Variants in GRID2 observed in about 807,000 individuals in gnomAD.
GRID2 encodes the protein glutamate ionotropic receptor delta type subunit 2, also known as glutamate receptor ionotropic, delta-2.
Under a neutral mutation model 114.8 loss-of-function variants are expected in GRID2, and 33 were observed. The ratio of observed to expected loss-of-function variants is 0.29; its 90% confidence interval spans 0.22 to 0.38. The LOEUF (loss-of-function observed/expected upper bound fraction) is 0.38. Among genes scored for constraint, GRID2 ranks in the 10% least tolerant of loss-of-function variants. The pLI is 1.00. For synonymous variants in GRID2, 505 were observed against 449.9 expected (o/e 1.12, Z -1.55); for missense variants, 1,184 against 1,257.7 (o/e 0.94, Z 0.89).
intron 14 of GRID2, among the ~76,000 whole-genome samples, chr4:93,679,427 C>T (rs1372789972): frequency 2.0e-5 from 3 of 150,972 alleles, no homozygotes; most frequent in South Asian, 2.1e-4. Flanking sequence ...ACCAAGCAGA[C>T]CTAATAGACA....
chr4:92,858,056 A>C (rs186173794), intron 2 of GRID2, among the ~76,000 whole-genome samples: 23 of 152,328 alleles, frequency 1.5e-4, no homozygotes, highest in African/African-American at 5.5e-4. Context: ...TTTTGGAGAC[A>C]TAGTGTTCAG....
At chr4:92,382,604 AGTT>A (rs1455126365) in intron 1 of GRID2, among the ~76,000 whole-genome samples, 2 of 152,108 alleles carry the variant, frequency 1.3e-5, no homozygotes, top group Non-Finnish European at 2.9e-5. Flanking sequence ...TAAGAAATAA[AGTT>A]AATAGAATGA....
intron 2 of GRID2, among the ~76,000 whole-genome samples, chr4:92,963,241 T>C (rs1752936514): frequency 6.6e-6 from 1 of 151,982 alleles, no homozygotes; most frequent in Non-Finnish European, 1.5e-5. Context: ...ACAATGCAGT[T>C]TGCCTTATCA....
intron 1 of GRID2, among the ~76,000 whole-genome samples, chr4:92,467,122 G>A (rs7678325): frequency 0.36 from 55,118 of 151,294 alleles, 10,485 homozygotes; most frequent in African/African-American, 0.47. Flanking sequence ...TTGAAAAAGC[G>A]AATGTTAAAA....
intron 4 of GRID2, among the ~76,000 whole-genome samples, chr4:93,134,144 T>A (rs1390453820): frequency 6.6e-6 from 1 of 152,120 alleles, no homozygotes; most frequent in African/African-American, 2.4e-5. Context: ...TGGAAGTCAT[T>A]GAAAATGTGG....
At chr4:92,961,951 A>C (rs1752847953) in intron 2 of GRID2, among the ~76,000 whole-genome samples, 1 of 151,854 alleles carries the variant, frequency 6.6e-6, no homozygotes, top group South Asian at 2.1e-4. Context: ...CCGATCTACT[A>C]ATATGCCCAA....
At chr4:92,361,300 A>G (rs1239254254) in intron 1 of GRID2, among the ~76,000 whole-genome samples, 1 of 152,058 alleles carries the variant, frequency 6.6e-6, no homozygotes, top group Non-Finnish European at 1.5e-5. Context: ...CTCTAAATGG[A>G]CAAAGCAATT....
intron 2 of GRID2, among the ~76,000 whole-genome samples, chr4:92,979,744 A>G (rs1754079676): frequency 6.6e-6 from 1 of 152,200 alleles, no homozygotes; most frequent in Admixed American, 6.5e-5. Context: ...ACAAGGGTTC[A>G]TGTGCCATAC....
intron 13 of GRID2, among the ~76,000 whole-genome samples, chr4:93,526,171 G>A (rs1487077303): frequency 7.9e-5 from 12 of 152,240 alleles, no homozygotes; most frequent in Non-Finnish European, 1.6e-4. Flanking sequence ...TTTCTCCCGT[G>A]CTGTTCTCAC....
At chr4:93,359,546 C>A (rs1405952356) in intron 8 of GRID2, among the ~76,000 whole-genome samples, 1 of 151,352 alleles carries the variant, frequency 6.6e-6, no homozygotes, top group Non-Finnish European at 1.5e-5. Flanking sequence ...TAGCCATTAA[C>A]CATCCCCATC....
intron 2 of GRID2, among the ~76,000 whole-genome samples, chr4:92,842,227 A>C (rs575975184): frequency 1.3e-5 from 2 of 152,224 alleles, no homozygotes; most frequent in African/African-American, 2.4e-5. Flanking sequence ...CTATTCCATA[A>C]GTTATTTGTT....
intron 4 of GRID2, among the ~76,000 whole-genome samples, chr4:93,166,405 G>A (rs1242529351): frequency 1.3e-5 from 2 of 152,232 alleles, no homozygotes; most frequent in East Asian, 1.9e-4. Flanking sequence ...GGTGACCTGG[G>A]TCTATTCTCC....
chr4:93,223,509 G>T lies in GRID2; in HGVS notation c.964-1105G>T, dbSNP rs142455595. On this transcript the variant is annotated intron_variant, in intron 6 of 15. Transcript: ENST00000282020. Reference sequence around the variant, plus strand: ...AGCTTAGTACCATCCTGTGATGTGGGTAGACTATTTTAAAAATTTCCTCCA... The same window carrying T: ...AGCTTAGTACCATCCTGTGATGTGGTTAGACTATTTTAAAAATTTCCTCCA... 2.0e-3 allele frequency among the ~76,000 whole-genome samples: 308 copies of T among 152,212 alleles called. 1 individual carries two copies. The highest frequency in any genetic ancestry group is 7.1e-3 in the African/African-American group (293 of 41,524).
intron 12 of GRID2, among the ~76,000 whole-genome samples, chr4:93,501,283 A>G (rs1327367124): frequency 1.3e-5 from 2 of 151,918 alleles, no homozygotes; most frequent in African/African-American, 4.8e-5. Context: ...TGTGTCACCC[A>G]CTCACTCTTC....
chr4:93,608,387 T>G (rs1423022414), intron 13 of GRID2, among the ~76,000 whole-genome samples: 1 of 144,194 alleles, frequency 6.9e-6, no homozygotes, highest in African/African-American at 2.6e-5. Flanking sequence ...GGTATACATG[T>G]GCCATGCTGG....
chr4:92,710,565 A>G (rs2870642), intron 2 of GRID2, among the ~76,000 whole-genome samples: 18,588 of 152,206 alleles, frequency 0.12, 1,477 homozygotes, highest in East Asian at 0.27. Context: ...GGTGACGACT[A>G]CACTTGAAAT....
chr4:92,982,021 G>GT (rs1262068153), intron 2 of GRID2, among the ~76,000 whole-genome samples: 1 of 95,692 alleles, frequency 1.0e-5, no homozygotes, highest in African/African-American at 4.7e-5. Context: ...TAAAGTACTG[G>GT]TAAAAAAAAA....
chr4:93,048,879 G>A lies in GRID2; in HGVS notation c.245-36116G>A, dbSNP rs1726423353. ...ATAGTTAAGAATGTAATAGGAAGAA[G>A]GTTTCAATTCACTAGGACCTAGTAT... On this transcript the variant is annotated intron_variant, in intron 2 of 15. Transcript: ENST00000282020. Among the ~76,000 whole-genome samples the A allele has an allele frequency of 1.3e-5, 2 of 152,032 alleles. 1 individual carries two copies. The highest frequency in any genetic ancestry group is 1.3e-4 in the Admixed American group (2 of 15,222).
intron 2 of GRID2, among the ~76,000 whole-genome samples, chr4:93,062,092 C>T (rs973579862): frequency 8.5e-5 from 13 of 152,088 alleles, no homozygotes; most frequent in Non-Finnish European, 1.0e-4. Flanking sequence ...CAGTTACAGA[C>T]TTGCTGTTAA....
Sources: allele counts gnomAD v4.1 joint callset (sites outside exome capture counted in the v4.1 genomes callset), GRCh38; gene constraint gnomAD v4.1.1; transcripts MANE v1.5; gene names NCBI Gene and HGNC (gene_info 2026-07-23, HGNC 2026-07-21).